ABCC12: variants seen among roughly 807,000 people sequenced by gnomAD.
ABCC12 encodes the protein ATP binding cassette subfamily C member 12, also known as ATP-binding cassette sub-family C member 12.
ABCC12 carries 142 observed loss-of-function variants against 151.1 expected under a neutral mutation model. The ratio of observed to expected loss-of-function variants is 0.94; its 90% confidence interval spans 0.82 to 1.08. The LOEUF is 1.08. Among genes scored for constraint, ABCC12 ranks in the 50% least tolerant of loss-of-function variants. The pLI is 0.00. For synonymous variants in ABCC12, 645 were observed against 646.4 expected, an observed-to-expected ratio of 1.00 and a Z score of 0.03; for missense variants, 1,638 against 1,691.1, an observed-to-expected ratio of 0.97 and a Z score of 0.55.
rs1328614620 is a variant in ABCC12 at position 48,082,613 on chromosome 16, AG to A, written c.*1101del. Among the ~76,000 whole-genome samples the A allele has an allele frequency of 6.6e-6, 1 of 152,142 alleles. No homozygotes were observed. Among genetic ancestry groups the A allele is most frequent in the Non-Finnish European group, 1.5e-5 (1 of 68,024 alleles). On this transcript the variant is annotated 3_prime_UTR_variant, in exon 31 of 31. Coordinates refer to ENST00000311303, the MANE Select transcript of ABCC12 (RefSeq NM_001393797.1). ...AGCAAGTACGTGACCAACACTTACA[AG>A]GGAAGTGGGGTGGGGGGTTGTGGTC...
intron 11 of ABCC12, among the ~76,000 whole-genome samples, chr16:48,127,064 T>C (rs7187621): frequency 0.015 from 2,223 of 152,194 alleles, 59 homozygotes; most frequent in African/African-American, 0.051. Context: ...CTGAGCTCAA[T>C]TGCACTCAGC....
In ABCC12 at chr16:48,121,824, C is replaced by T. The variant is rs752507580; in HGVS notation, c.1604G>A (p.Gly535Glu). 3.7e-6 allele frequency: 6 copies of T among 1,614,076 alleles called. No individual in the cohort carries two copies. The East Asian group carries it at 1.3e-4, about 36-fold the overall frequency. The change falls in exon 13 of 31, where the codon GGG becomes GAG. Residue 535 changes from glycine (G) to glutamate (E), a missense_variant. Gly to Glu is a moderately conservative substitution (Grantham distance 98). Transcript: ENST00000311303. ...ALLGQMQLQK[G>E]VVAVNGTLAY... Reference sequence around the variant, plus strand: ...CAAAGTTCCATTGACTGCCACCACCCCTTTCTGCAGCTGCATCTGGAACAA... The same window carrying T: ...CAAAGTTCCATTGACTGCCACCACCTCTTTCTGCAGCTGCATCTGGAACAA...
At chr16:48,101,559 C>T (rs1336742274) in intron 22 of ABCC12, among the ~76,000 whole-genome samples, 3 of 151,316 alleles carry the variant, frequency 2.0e-5, no homozygotes, top group South Asian at 2.1e-4. Flanking sequence ...CCAGGGACCT[C>T]GGGTGTTTAC....
In ABCC12 at chr16:48,091,032, A is replaced by C. The variant is rs867341251; in HGVS notation, c.3285+88T>G. ...GGCCCGATTTCCGTTTTTTAAAAAG[A>C]CCCCTTTCGCATCTAAAAAGATCCA... On this transcript the variant is annotated intron_variant, in intron 25 of 30. Coordinates refer to ENST00000311303, the MANE Select transcript of ABCC12 (RefSeq NM_001393797.1). The C allele has an allele frequency of 1.5e-5, 19 of 1,304,376 alleles. 1 individual carries two copies. The Middle Eastern group carries it at 5.5e-4, about 38-fold the overall frequency. The allele number at this position is 1,304,376 out of a possible 1,614,324, so 80.8% of individuals were successfully genotyped here. A position where few individuals can be genotyped will look rare whatever the true frequency, so the allele number is the denominator to read the frequency against.
chr16:48,111,332 C>A, intron 18 of ABCC12, 104 bp downstream of exon 18: 1 of 1,377,992 alleles, frequency 7.3e-7, no homozygotes, highest in Non-Finnish European at 1.0e-6. Context: ...CCAATTCTGG[C>A]TGCCCAAAAT....
intron 18 of ABCC12, among the ~76,000 whole-genome samples, chr16:48,109,131 A>AG: frequency 6.6e-6 from 1 of 152,306 alleles, no homozygotes; most frequent in South Asian, 2.1e-4. Flanking sequence ...AGGAATGCAG[A>AG]GATGGCATTT....
At chr16:48,125,554 G>A (rs1964211981) in intron 11 of ABCC12, among the ~76,000 whole-genome samples, 1 of 152,156 alleles carries the variant, frequency 6.6e-6, no homozygotes, top group Admixed American at 6.5e-5. Flanking sequence ...GGGGTATCTG[G>A]GGAGAATCAT....
chr16:48,144,641 C>G (rs1423980229), intron 3 of ABCC12, among the ~76,000 whole-genome samples: 1 of 152,062 alleles, frequency 6.6e-6, no homozygotes, highest in Non-Finnish European at 1.5e-5. Context: ...ACGCTGAGGC[C>G]ACACCTCACT....
At chr16:48,099,454 G>A (rs1407205050) in intron 23 of ABCC12, among the ~76,000 whole-genome samples, 3 of 152,246 alleles carry the variant, frequency 2.0e-5, no homozygotes, top group South Asian at 4.1e-4. Context: ...GAATGCATTC[G>A]ATGCACCCTT....
In ABCC12 at chr16:48,146,356, T is replaced by C. The variant is rs16945897; in HGVS notation, c.69A>G (p.Glu23=). 6.0e-3 allele frequency: 9,623 copies of C among 1,614,120 alleles called. 455 individuals carry two copies. In the African/African-American group the frequency reaches 0.11, roughly 19 times the overall value. ...TGGTCTTCAGGCTGGGGTCATATCT[T>C]TCTGCAAAGGATCTCCGCCGGCCTC... ...DQRGRRRSFA[E]RYDPSLKTMI... The change falls in exon 3 of 31, where the codon GAA becomes GAG. Residue 23 remains glutamate (E), a synonymous_variant. Transcript: ENST00000311303.
chr16:48,128,383 T>C, intron 11 of ABCC12, 76 bp downstream of exon 11: 1 of 1,569,060 alleles, frequency 6.4e-7, no homozygotes, highest in Non-Finnish European at 8.6e-7. Context: ...CTGAACTGTA[T>C]CAGACCTGGA....
Position 48,096,777 on chromosome 16 carries a change from G to A in ABCC12, c.3164C>T (p.Ser1055Phe). The change falls in exon 24 of 31, where the codon TCC becomes TTC. Residue 1055 changes from serine (S) to phenylalanine (F), a missense_variant. Transcript: ENST00000311303. ...GATGTATGACAATGACAGGCCTTTG[G>A]ATGAAGTACTGATGGAGGAGAAACT... ...TLSFSSISTS[S>F]KGLSLSYIIQ... 1 of 1,614,026 alleles carries A rather than the reference G, an allele frequency of 6.2e-7. No individual in the cohort carries two copies. Among genetic ancestry groups the A allele is most frequent in the Non-Finnish European group, 8.5e-7 (1 of 1,179,916 alleles).
At chr16:48,088,425 G>A (rs1962718992) in intron 26 of ABCC12, 120 bp downstream of exon 26, 1 of 1,176,278 alleles carries the variant, frequency 8.5e-7, no homozygotes, top group Non-Finnish European at 1.2e-6. Flanking sequence ...AGAGATTTGA[G>A]GGAAATAACA....
intron 11 of ABCC12, 110 bp downstream of exon 11, chr16:48,128,349 T>G (rs530190009): frequency 6.8e-7 from 1 of 1,470,846 alleles, no homozygotes; most frequent in African/African-American, 1.4e-5. Context: ...GTTAGAGACA[T>G]CCCATCACCA....
chr16:48,144,146 C>T (rs1213497983), intron 3 of ABCC12, 81 bp from the exon 4 acceptor site: 9 of 1,485,604 alleles, frequency 6.1e-6, no homozygotes, highest in Admixed American at 2.0e-5. Context: ...CTTGTAACTA[C>T]AGCAACAACC....
At chr16:48,140,345 G>C (rs1193875341) in intron 6 of ABCC12, among the ~76,000 whole-genome samples, 1 of 152,148 alleles carries the variant, frequency 6.6e-6, no homozygotes, top group Non-Finnish European at 1.5e-5. Context: ...GATTATTGGA[G>C]CCATCAGTTC....
chr16:48,141,859 C>T (rs1333401258), intron 4 of ABCC12, among the ~76,000 whole-genome samples: 1 of 152,186 alleles, frequency 6.6e-6, no homozygotes, highest in Non-Finnish European at 1.5e-5. Context: ...TTAGGTTTCA[C>T]TCCAAGTGCA....
chr16:48,125,717 C>T (rs1449315307), intron 11 of ABCC12, among the ~76,000 whole-genome samples: 1 of 152,218 alleles, frequency 6.6e-6, no homozygotes, highest in Admixed American at 6.5e-5. Flanking sequence ...AACATGGGGC[C>T]AAATATGGCT....
chr16:48,116,977 C>G (rs1019195459), intron 14 of ABCC12, among the ~76,000 whole-genome samples: 1 of 152,224 alleles, frequency 6.6e-6, no homozygotes, highest in African/African-American at 2.4e-5. Context: ...GATGAGGAAG[C>G]AGTTTTCACC....
Sources: gnomAD v4.1 joint callset for allele counts (sites outside exome capture counted in the v4.1 genomes callset) on GRCh38, gnomAD v4.1.1 for gene constraint, MANE v1.5 for transcripts, NCBI Gene and HGNC (gene_info 2026-07-23, HGNC 2026-07-21) for gene names.